Variants in HDAC3 observed in about 807,000 individuals in gnomAD.
HDAC3 encodes SMAP45.
HDAC3 carries 21 observed loss-of-function variants against 62.3 expected under a neutral mutation model. That is an observed-to-expected ratio of 0.34 (90% CI 0.24 to 0.49). The LOEUF (loss-of-function observed/expected upper bound fraction) is 0.49. Ranked by LOEUF, HDAC3 falls within the 20% of genes least tolerant of loss-of-function variation. The pLI, the probability that HDAC3 is intolerant of heterozygous loss-of-function variation, is 0.99. For missense variants in HDAC3, 270 were observed against 556.9 expected, an observed-to-expected ratio of 0.48 and a Z score of 5.19; for synonymous variants, 198 against 206.5, an observed-to-expected ratio of 0.96 and a Z score of 0.35.
chr5:141,636,527 G>A (rs746108813), intron 2 of HDAC3, 21 bp downstream of exon 2: 36 of 1,442,082 alleles, frequency 2.5e-5, no homozygotes, highest in Admixed American at 1.6e-4. Context: ...CCCAACCCCC[G>A]GCCGAGGCGG....
In HDAC3 at chr5:141,628,098, G is replaced by C. The variant is rs753315150; in HGVS notation, c.765+16C>G. Reference sequence around the variant, plus strand: ...GCCCAGGCAGAACACTCCTGAGGAGGAACTGACAGTATTACCTGGAGCACA... The same window carrying C: ...GCCCAGGCAGAACACTCCTGAGGAGCAACTGACAGTATTACCTGGAGCACA... On this transcript the variant is annotated intron_variant, in intron 9 of 14. Coordinates refer to ENST00000305264, the MANE Select transcript of HDAC3 (RefSeq NM_003883.4). The surrounding 1 kb of genome is among the most constrained non-coding windows in gnomAD (Gnocchi z 4.7). The C allele has an allele frequency of 6.2e-6, 10 of 1,612,062 alleles. No homozygotes were observed. The South Asian group carries it at 8.8e-5, about 14-fold the overall frequency.
chr5:141,629,107 GAGA>G lies in HDAC3; in HGVS notation c.610+63_610+65del. ...ACACCTGAGATGAGACTAGAAGGCT[GAGA>G]AGGAGGCACTCATAGTAAAGAGCTG... On this transcript the variant is annotated intron_variant, in intron 7 of 14. Coordinates refer to ENST00000305264, the MANE Select transcript of HDAC3 (RefSeq NM_003883.4). The surrounding 1 kb of genome is among the most constrained non-coding windows in gnomAD (Gnocchi z 5.3). The G allele has an allele frequency of 6.5e-7, 1 of 1,549,258 alleles. No homozygotes were observed. Among genetic ancestry groups the G allele is most frequent in the South Asian group, 1.2e-5 (1 of 86,558 alleles).
Position 141,626,604 on chromosome 5 carries a change from T to C in HDAC3, c.831-321A>G, listed in dbSNP as rs2099904457. ...AAAATATAACTCACGCCCGGCGCGG[T>C]GCTCACGCCTTTGTAGTAGTCCCAG... On this transcript the variant is annotated intron_variant, in intron 10 of 14. Coordinates refer to ENST00000305264, the MANE Select transcript of HDAC3 (RefSeq NM_003883.4). The surrounding 1 kb of genome is among the most constrained non-coding windows in gnomAD (Gnocchi z 4.6). The C allele has an allele frequency of 3.0e-6, 1 of 336,892 alleles. No homozygotes were observed. The highest frequency in any genetic ancestry group is 4.0e-5 in the Admixed American group (1 of 24,950). The allele number at this position is 336,892 out of a possible 1,614,324, so 20.9% of individuals were successfully genotyped here. A position where few individuals can be genotyped will look rare whatever the true frequency, so the allele number is the denominator to read the frequency against.
At chr5:141,627,994 A>C in intron 9 of HDAC3, 37 bp from the exon 10 acceptor site, 1 of 1,609,484 alleles carries the variant, frequency 6.2e-7, no homozygotes, top group Non-Finnish European at 8.5e-7. Context: ...TGCAGTGATC[A>C]GAACTGATCA....
rs1245758039 is a variant in HDAC3, at chr5:141,625,004, A to G, written c.1217+204T>C. 2 of 557,148 alleles carry G rather than the reference A, an allele frequency of 3.6e-6. No homozygotes were observed. Among genetic ancestry groups the G allele is most frequent in the Non-Finnish European group, 3.1e-6 (1 of 319,600 alleles). The allele number at this position is 557,148 out of a possible 1,614,324, so 34.5% of individuals were successfully genotyped here. On this transcript the variant is annotated intron_variant, in intron 14 of 14. Coordinates refer to ENST00000305264, the MANE Select transcript of HDAC3 (RefSeq NM_003883.4). The surrounding 1 kb of genome is among the most constrained non-coding windows in gnomAD (Gnocchi z 4.0). ...CTGGGATTGTGTGAACGCCAACACC[A>G]TATTTTGGTGCTGTTTTAAAATTTT... is the stretch of plus-strand genomic sequence containing the variant.
intron 3 of HDAC3, among the ~76,000 whole-genome samples, chr5:141,631,148 G>A (rs1331254680): frequency 6.6e-6 from 1 of 152,018 alleles, no homozygotes; most frequent in African/African-American, 2.4e-5. Flanking sequence ...TAGTGCAGCT[G>A]ATACATTTGA....
intron 14 of HDAC3, among the ~76,000 whole-genome samples, chr5:141,621,755 G>C (rs2099903739): frequency 6.6e-6 from 1 of 152,180 alleles, no homozygotes; most frequent in African/African-American, 2.4e-5. Flanking sequence ...AGAGTAACAA[G>C]CTGGACAAGG....
chr5:141,628,609 C>T lies in HDAC3; in HGVS notation c.641G>A (p.Gly214Asp). Reference protein sequence around the residue: ...GDMYEVGAESGRYYCLNVPLR... With the variant: ...GDMYEVGAESDRYYCLNVPLR... ...GGGCACGTTCAGACAGTAGTAGCGG[C>T]CACTCTCTGCCCCGACTTCATACAT... Residue 214 changes from glycine (G) to aspartate (D), a missense_variant, in exon 8 of 15, where the codon GGC (glycine) becomes GAC (aspartate). By Grantham distance (94) the Gly-to-Asp change is moderately conservative. This residue lies in a region of HDAC3 where 156 missense variants were observed against 383.9 expected (regional missense o/e 0.41). Transcript: ENST00000305264. The surrounding 1 kb of genome is among the most constrained non-coding windows in gnomAD (Gnocchi z 4.7). 2 of 1,614,090 alleles carry T rather than the reference C, an allele frequency of 1.2e-6. No individual in the cohort carries two copies. The highest frequency in any genetic ancestry group is 1.7e-6 in the Non-Finnish European group (2 of 1,180,014).
intron 2 of HDAC3, chr5:141,636,315 G>A (rs2099905996): frequency 1.7e-6 from 1 of 576,476 alleles, no homozygotes; most frequent in African/African-American, 1.9e-5. Context: ...TAGGCCAAGG[G>A]CTAGTGTGCC....
At chr5:141,623,037 C>T (rs1185274424) in intron 14 of HDAC3, among the ~76,000 whole-genome samples, 3 of 152,006 alleles carry the variant, frequency 2.0e-5, no homozygotes, top group Admixed American at 6.6e-5. Context: ...GCAGGAGAAT[C>T]GCTTGAACCC....
At position 141,629,755 on chromosome 5, in the gene HDAC3, G is replaced by GA; in HGVS notation, c.421-17_421-16insT. 1 of 1,613,850 alleles carries GA rather than the reference G, an allele frequency of 6.2e-7. No individual in the cohort carries two copies. Among genetic ancestry groups the GA allele is most frequent in the Non-Finnish European group, 8.5e-7 (1 of 1,179,812 alleles). Reference sequence around the variant, plus strand: ...AGCCAGAGGCCTATGGCAAGACAGTGGTCTCATAAAGAGAAGAGCAATTCC... The same window carrying GA: ...AGCCAGAGGCCTATGGCAAGACAGTGAGTCTCATAAAGAGAAGAGCAATTCC... On this transcript the variant is annotated splice_polypyrimidine_tract_variant and intron_variant, in intron 5 of 14. Coordinates refer to ENST00000305264, the MANE Select transcript of HDAC3 (RefSeq NM_003883.4). This position sits in a 1 kb window ranked among gnomAD's most constrained non-coding sequence, Gnocchi z 5.3.
chr5:141,629,557 G>A lies in HDAC3; in HGVS notation c.476+127C>T. The A allele has an allele frequency of 9.7e-7, 1 of 1,031,850 alleles. No individual in the cohort carries two copies. The highest frequency in any genetic ancestry group is 1.5e-6 in the Non-Finnish European group (1 of 683,544). The allele number at this position is 1,031,850 out of a possible 1,614,324, so 63.9% of individuals were successfully genotyped here. ...TCTGCAGCAGTGGAAGAGGCAGCCT[G>A]AATAAAGCATCAAGAACTTGGGAGA... is the stretch of plus-strand genomic sequence containing the variant. On this transcript the variant is annotated intron_variant, in intron 6 of 14. Transcript: ENST00000305264. This position sits in a 1 kb window ranked among gnomAD's most constrained non-coding sequence, Gnocchi z 5.3.
Position 141,626,094 on chromosome 5 carries a change from A to G in HDAC3, c.921-23T>C. On this transcript the variant is annotated intron_variant, in intron 11 of 14. Coordinates refer to ENST00000305264, the MANE Select transcript of HDAC3 (RefSeq NM_003883.4). The surrounding 1 kb of genome is among the most constrained non-coding windows in gnomAD (Gnocchi z 4.6). The stretch of plus-strand genomic sequence containing the variant: ...GTCCTGAAACCAACCAGCAGAGGGG[A>G]GCAGGCTGACCAAGTGGGCTGAAGG... 1 of 1,613,196 alleles carries G rather than the reference A, an allele frequency of 6.2e-7. No individual in the cohort carries two copies. The highest frequency in any genetic ancestry group is 1.3e-5 in the African/African-American group (1 of 75,008).
At chr5:141,621,738 ATACAG>A (rs2099903737) in intron 14 of HDAC3, among the ~76,000 whole-genome samples, 1 of 152,258 alleles carries the variant, frequency 6.6e-6, no homozygotes, top group South Asian at 2.1e-4. Context: ...AACCTTAGCA[ATACAG>A]TAGAGTAACA....
In HDAC3 at chr5:141,626,955, G is replaced by A. The variant is rs929897316; in HGVS notation, c.831-672C>T. ...TACCCAAACCTTTCTCTATTCAGCA[G>A]TCAGAATTGTCACTTTCAAACACAA... On this transcript the variant is annotated intron_variant, in intron 10 of 14. Coordinates refer to ENST00000305264, the MANE Select transcript of HDAC3 (RefSeq NM_003883.4). This position sits in a 1 kb window ranked among gnomAD's most constrained non-coding sequence, Gnocchi z 4.6. 2.0e-5 allele frequency among the ~76,000 whole-genome samples: 3 copies of A among 151,818 alleles called. No homozygotes were observed. The highest frequency in any genetic ancestry group is 7.3e-5 in the African/African-American group (3 of 41,302).
rs74726598 is a variant in HDAC3 at position 141,625,556 on chromosome 5, G to T, written c.1059+129C>A. The T allele has an allele frequency of 1.1e-3, 1,280 of 1,113,856 alleles. 6 individuals are homozygous for T. In the African/African-American group the frequency reaches 0.016, roughly 14 times the overall value. 69.0% of individuals were successfully genotyped at this position (1,113,856 alleles called of 1,614,324 possible). ...CTACTTTAAACTGGACTGCCTCCTA[G>T]TCAATAACAGTGACTGTGATGGCTT... is the stretch of plus-strand genomic sequence containing the variant. On this transcript the variant is annotated intron_variant, in intron 13 of 14. Transcript: ENST00000305264. The surrounding 1 kb of genome is among the most constrained non-coding windows in gnomAD (Gnocchi z 4.0).
chr5:141,625,380 G>C lies in HDAC3; in HGVS notation c.1060-15C>G. On this transcript the variant is annotated splice_polypyrimidine_tract_variant and intron_variant, in intron 13 of 14. Transcript: ENST00000305264. This position sits in a 1 kb window ranked among gnomAD's most constrained non-coding sequence, Gnocchi z 4.0. ...TGGTCCAGATACTGGTTGGAAATGA[G>C]GAATACAGAGTGAGCAGTTTCCAGA... The C allele has an allele frequency of 6.2e-7, 1 of 1,613,600 alleles. No homozygotes were observed. Among genetic ancestry groups the C allele is most frequent in the South Asian group, 1.1e-5 (1 of 91,016 alleles).
rs2099904884 is a variant in HDAC3 at position 141,629,400 on chromosome 5, T to A, written c.477-94A>T. 1 of 1,541,080 alleles carries A rather than the reference T, an allele frequency of 6.5e-7. No individual in the cohort carries two copies. The highest frequency in any genetic ancestry group is 1.8e-5 in the Admixed American group (1 of 57,022). ...GGTCTCGAATTGTGAAGAGTCTGCT[T>A]CTGCCCTGGTCACCTGAAACTTAAT... On this transcript the variant is annotated intron_variant, in intron 6 of 14. Coordinates refer to ENST00000305264, the MANE Select transcript of HDAC3 (RefSeq NM_003883.4). The surrounding 1 kb of genome is among the most constrained non-coding windows in gnomAD (Gnocchi z 5.3).
rs1313142121 is a variant in HDAC3, at chr5:141,628,398, CAT to C, written c.691+159_691+160del. 4.1e-6 allele frequency: 3 copies of C among 738,300 alleles called. No homozygotes were observed. Among genetic ancestry groups the C allele is most frequent in the Admixed American group, 2.5e-5 (1 of 40,244 alleles). 45.7% of individuals were successfully genotyped at this position (738,300 alleles called of 1,614,324 possible). ...CTTTTCCCAGAAAAATGCACATACA[CAT>C]GATATGTTGCATACAATTTCCAGAG... On this transcript the variant is annotated intron_variant, in intron 8 of 14. Coordinates refer to ENST00000305264, the MANE Select transcript of HDAC3 (RefSeq NM_003883.4). This position sits in a 1 kb window ranked among gnomAD's most constrained non-coding sequence, Gnocchi z 4.7.
Sources: allele counts gnomAD v4.1 joint callset (sites outside exome capture counted in the v4.1 genomes callset), GRCh38; gene constraint gnomAD v4.1.1; regional missense constraint gnomAD v4.1.1; non-coding constraint Gnocchi (gnomAD v3.1); transcripts MANE v1.5; gene names NCBI Gene and HGNC (gene_info 2026-07-23, HGNC 2026-07-21).